PBK: variants seen among roughly 807,000 people sequenced by gnomAD.
PBK encodes the protein PDZ binding kinase, also known as lymphokine-activated killer T-cell-originated protein kinase.
In PBK, 22 loss-of-function variants were observed where a neutral mutation model predicts 33.5. That is an observed-to-expected ratio of 0.66 (90% confidence interval 0.47 to 0.94). The LOEUF (loss-of-function observed/expected upper bound fraction) is 0.94. Among genes scored for constraint, PBK ranks in the 40% least tolerant of loss-of-function variants. The pLI is 0.00. For synonymous variants in PBK, 129 were observed against 123.8 expected (o/e 1.04, Z -0.28); for missense variants, 376 against 383.4 (o/e 0.98, Z 0.16).
At chr8:27,813,629 TTG>T (rs1311294924) in intron 6 of PBK, among the ~76,000 whole-genome samples, 9 of 152,130 alleles carry the variant, frequency 5.9e-5, no homozygotes, top group Admixed American at 1.3e-4. Context: ...TACCATTTTT[TTG>T]TGTGTGTGAG....
In PBK at chr8:27,810,863, C is replaced by T. The variant is rs1805663681; in HGVS notation, c.772+95G>A. On this transcript the variant is annotated intron_variant, in intron 7 of 7. Coordinates refer to ENST00000301905, the MANE Select transcript of PBK (RefSeq NM_018492.4). ...TAAACCTTGGTGGTACCAAATCAGT[C>T]ATCAGTACTAATACATATCTTAGAA... 5.0e-6 allele frequency: 4 copies of T among 800,518 alleles called. No homozygotes were observed. The Admixed American group carries it at 6.9e-5, about 14-fold the overall frequency. 49.6% of individuals were successfully genotyped at this position (800,518 alleles called of 1,614,324 possible).
At chr8:27,836,962 C>T (rs1217144693) in intron 1 of PBK, among the ~76,000 whole-genome samples, 1 of 152,154 alleles carries the variant, frequency 6.6e-6, no homozygotes, top group Non-Finnish European at 1.5e-5. Context: ...GCCAGTAGCC[C>T]AGACTCTGCT....
chr8:27,813,289 T>C (rs1482811931), intron 6 of PBK, among the ~76,000 whole-genome samples: 1 of 151,736 alleles, frequency 6.6e-6, no homozygotes, highest in Non-Finnish European at 1.5e-5. Context: ...GGACACAGGG[T>C]GGGGAACATC....
intron 1 of PBK, among the ~76,000 whole-genome samples, 174 bp from the exon 2 acceptor site, chr8:27,833,307 C>T (rs1025737178): frequency 6.6e-6 from 1 of 151,762 alleles, no homozygotes; most frequent in African/African-American, 2.4e-5. Flanking sequence ...GTCGGGAGTT[C>T]GAGACCAGCC....
Position 27,810,386 on chromosome 8 carries a change from G to A in PBK, c.888C>T (p.Leu296=), listed in dbSNP as rs888426734. Residue 296 remains leucine (L), a synonymous_variant, in exon 8 of 8, where the codon CTC becomes CTT. Transcript: ENST00000301905. ...LDESYQKVIE[L]FSVCTNEDPK... is the part of the protein sequence containing the mutation. Reference sequence around the variant, plus strand: ...GGTCTTCATTAGTGCATACAGAGAAGAGTTCAATTACTTTCTGGTATGATT... The same window carrying A: ...GGTCTTCATTAGTGCATACAGAGAAAAGTTCAATTACTTTCTGGTATGATT... 1 of 1,610,606 alleles carries A rather than the reference G, an allele frequency of 6.2e-7. No individual in the cohort carries two copies. The highest frequency in any genetic ancestry group is 8.5e-7 in the Non-Finnish European group (1 of 1,176,806).
rs1033892860 is a variant in PBK, at chr8:27,827,007, C to CA, written c.152+1097dup. On this transcript the variant is annotated intron_variant, in intron 3 of 7. Coordinates refer to ENST00000301905, the MANE Select transcript of PBK (RefSeq NM_018492.4). ...TAGAAAACAATACCATACAAACATACAAAAAAAATGTTTAAACTGCAAAAA... is the reference window on the plus strand; with the variant it reads ...TAGAAAACAATACCATACAAACATACAAAAAAAAATGTTTAAACTGCAAAAA... Among the ~76,000 whole-genome samples the CA allele has an allele frequency of 2.4e-4, 37 of 151,548 alleles. 1 individual carries two copies. Among genetic ancestry groups the CA allele is most frequent in the Non-Finnish European group, 4.1e-4 (28 of 67,840 alleles).
intron 6 of PBK, among the ~76,000 whole-genome samples, chr8:27,816,345 ATATATATATATATTTATT>A (rs1805810967): frequency 7.0e-6 from 1 of 142,078 alleles, no homozygotes. Flanking sequence ...ATCGAATACT[ATATATATATATATTTATT>A]TATTTATTTA....
chr8:27,827,979 C>T, intron 3 of PBK, 126 bp downstream of exon 3: 1 of 540,186 alleles, frequency 1.9e-6, no homozygotes. Context: ...GGAATACAGC[C>T]ATCAGCCAGG....
intron 1 of PBK, 67 bp downstream of exon 1, chr8:27,837,585 C>T (rs981757943): frequency 6.6e-6 from 1 of 152,400 alleles, no homozygotes; most frequent in Non-Finnish European, 1.5e-5. Flanking sequence ...GTCACGAAAG[C>T]CCCCGCAGAG....
At chr8:27,824,636 G>C (rs1805992778) in intron 3 of PBK, among the ~76,000 whole-genome samples, 1 of 152,140 alleles carries the variant, frequency 6.6e-6, no homozygotes, top group African/African-American at 2.4e-5. Flanking sequence ...ACAAAGTGCA[G>C]ATGATTTTAC....
intron 6 of PBK, among the ~76,000 whole-genome samples, chr8:27,815,917 A>C (rs1805801430): frequency 6.6e-6 from 1 of 152,248 alleles, no homozygotes; most frequent in Non-Finnish European, 1.5e-5. Flanking sequence ...ATGAGATCAT[A>C]AACTAATGGT....
intron 3 of PBK, among the ~76,000 whole-genome samples, chr8:27,823,807 A>G (rs893193379): frequency 3.3e-5 from 5 of 152,106 alleles, no homozygotes; most frequent in African/African-American, 1.2e-4. Context: ...TTTTACAAAT[A>G]TTTAAGGTAT....
At chr8:27,829,880 AAATC>A (rs1250115328) in intron 2 of PBK, among the ~76,000 whole-genome samples, 2 of 150,584 alleles carry the variant, frequency 1.3e-5, no homozygotes, top group Admixed American at 6.6e-5. Context: ...AAAAATTAAA[AAATC>A]AATCAATCAA....
At position 27,813,672 on chromosome 8, in the gene PBK, A is replaced by T. The variant is rs117685744; in HGVS notation, c.596-2538T>A. ...TCAAGATCTACTCTCAGCAAATCTCAAGTGTACAGTATTAACAAAGGGCAC... is the reference window on the plus strand; with the variant it reads ...TCAAGATCTACTCTCAGCAAATCTCTAGTGTACAGTATTAACAAAGGGCAC... On this transcript the variant is annotated intron_variant, in intron 6 of 7. Coordinates refer to ENST00000301905, the MANE Select transcript of PBK (RefSeq NM_018492.4). 1.5e-3 allele frequency among the ~76,000 whole-genome samples: 214 copies of T among 146,876 alleles called. 3 individuals carry two copies. The East Asian group carries it at 0.033, about 22-fold the overall frequency.
At chr8:27,811,280 A>G in intron 6 of PBK, 146 bp from the exon 7 acceptor site, 5 of 676,274 alleles carry the variant, frequency 7.4e-6, no homozygotes, top group South Asian at 7.0e-5. Context: ...CTCAACCTCA[A>G]TAAGGATTAC....
chr8:27,832,965 C>A (rs889216779), intron 2 of PBK, 91 bp downstream of exon 2: 1 of 710,576 alleles, frequency 1.4e-6, no homozygotes, highest in African/African-American at 1.8e-5. Flanking sequence ...TTCTAAGTGA[C>A]CGATAATAAA....
At chr8:27,815,761 A>G (rs1258201840) in intron 6 of PBK, among the ~76,000 whole-genome samples, 1 of 152,220 alleles carries the variant, frequency 6.6e-6, no homozygotes, top group East Asian at 1.9e-4. Flanking sequence ...GTATGTTTAC[A>G]GTTCTCCAAG....
rs978619809 is a variant in PBK at position 27,810,213 on chromosome 8, A to G, written c.*92T>C. On this transcript the variant is annotated 3_prime_UTR_variant, in exon 8 of 8. Coordinates refer to ENST00000301905, the MANE Select transcript of PBK (RefSeq NM_018492.4). ...GAAACTATGGTCCTCAAATATGCCA[A>G]TTTTAGAGTCTAATAACTACTGATA... The G allele has an allele frequency of 7.0e-6, 6 of 854,776 alleles. No homozygotes were observed. Among genetic ancestry groups the G allele is most frequent in the Middle Eastern group, 2.2e-4 (1 of 4,546 alleles). The allele number at this position is 854,776 out of a possible 1,614,324, so 52.9% of individuals were successfully genotyped here.
intron 3 of PBK, among the ~76,000 whole-genome samples, chr8:27,826,649 A>T (rs1806028997): frequency 8.0e-6 from 1 of 124,422 alleles, no homozygotes; most frequent in African/African-American, 3.4e-5. Flanking sequence ...ACAAAAAATT[A>T]GCCGGGCGTG....
Sources: gnomAD v4.1 joint callset for allele counts (sites outside exome capture counted in the v4.1 genomes callset) on GRCh38, gnomAD v4.1.1 for gene constraint, MANE v1.5 for transcripts, NCBI Gene and HGNC (gene_info 2026-07-23, HGNC 2026-07-21) for gene names.